The following CCDC85C variants were observed in gnomAD, a reference collection of about 807,000 sequenced individuals.
CCDC85C encodes the protein coiled-coil domain-containing protein 85C.
In CCDC85C, 18 loss-of-function variants were observed where a neutral mutation model predicts 38.3. The ratio of observed to expected loss-of-function variants is 0.47; its 90% confidence interval spans 0.33 to 0.70. CCDC85C has a LOEUF of 0.70. Ranked by LOEUF, CCDC85C falls within the 30% of genes least tolerant of loss-of-function variation. CCDC85C has a pLI of 0.03. For synonymous variants in CCDC85C, 264 were observed against 293.8 expected (o/e 0.90, Z 1.04); for missense variants, 566 against 621.2 (o/e 0.91, Z 0.94).
chr14:99,538,726 T>G (rs1471822063), intron 1 of CCDC85C, among the ~76,000 whole-genome samples: 1 of 152,248 alleles, frequency 6.6e-6, no homozygotes, highest in East Asian at 1.9e-4. Flanking sequence ...GCACCTTCGC[T>G]GGGTGACCCT....
rs2069493 is a variant in CCDC85C at position 99,500,849 on chromosome 14, A to T, written c.*14397T>A. ...TAGAACATCCATACCAGTTCCTACT[A>T]AAATATGCAAAGCAACTCAAAGGTA... On this transcript the variant is annotated 3_prime_UTR_variant, in exon 6 of 6. Coordinates refer to ENST00000380243, the MANE Select transcript of CCDC85C (RefSeq NM_001144995.2). 4,329 of 1,548,782 alleles carry T rather than the reference A, an allele frequency of 2.8e-3. 102 individuals are homozygous for T. The East Asian group carries it at 0.039, about 14-fold the overall frequency.
chr14:99,566,247 G>T (rs1032791060), intron 1 of CCDC85C, among the ~76,000 whole-genome samples: 1 of 152,224 alleles, frequency 6.6e-6, no homozygotes, highest in Non-Finnish European at 1.5e-5. Flanking sequence ...TGTCTTGTTG[G>T]CATTTACCAT....
Position 99,503,529 on chromosome 14 carries a change from T to C in CCDC85C, c.*11717A>G. Reference sequence around the variant, plus strand: ...GTTCACAGTGACTGCCGTCGCTGATTCTGGTGGTACCTGGATAATCCATTT... The same window carrying C: ...GTTCACAGTGACTGCCGTCGCTGATCCTGGTGGTACCTGGATAATCCATTT... On this transcript the variant is annotated 3_prime_UTR_variant, in exon 6 of 6. Coordinates refer to ENST00000380243, the MANE Select transcript of CCDC85C (RefSeq NM_001144995.2). 8.0e-7 allele frequency: 1 copy of C among 1,247,348 alleles called. No homozygotes were observed. The highest frequency in any genetic ancestry group is 1.1e-6 in the Non-Finnish European group (1 of 885,068). The allele number at this position is 1,247,348 out of a possible 1,614,324, so 77.3% of individuals were successfully genotyped here.
Position 99,579,247 on chromosome 14 carries a change from T to G in CCDC85C, c.793+23920A>C, listed in dbSNP as rs145695261. 7.4e-3 allele frequency among the ~76,000 whole-genome samples: 1,120 copies of G among 152,350 alleles called. 17 individuals are homozygous for G. Among genetic ancestry groups the G allele is most frequent in the African/African-American group, 0.026 (1,074 of 41,584 alleles). Reference sequence around the variant, plus strand: ...GGGGCTGAAGTTCTGCCTCCAGCCTTGGTGCCAAACAAGCCAGAGAAGTGG... The same window carrying G: ...GGGGCTGAAGTTCTGCCTCCAGCCTGGGTGCCAAACAAGCCAGAGAAGTGG... On this transcript the variant is annotated intron_variant, in intron 1 of 5. Transcript: ENST00000380243.
chr14:99,603,805 A>G lies in CCDC85C; in HGVS notation c.155T>C (p.Leu52Pro). The G allele has an allele frequency of 6.6e-7, 1 of 1,524,638 alleles. No homozygotes were observed. Among genetic ancestry groups the G allele is most frequent in the Non-Finnish European group, 8.8e-7 (1 of 1,142,064 alleles). 94.4% of individuals were successfully genotyped at this position (1,524,638 alleles called of 1,614,324 possible). Residue 52 changes from leucine (L) to proline (P), a missense_variant, in exon 1 of 6, where the codon CTG becomes CCG. This residue lies in a region of CCDC85C where 269 missense variants were observed against 308.2 expected (regional missense o/e 0.87). Coordinates refer to ENST00000380243, the MANE Select transcript of CCDC85C (RefSeq NM_001144995.2). The surrounding 1 kb of genome is among the most constrained non-coding windows in gnomAD (Gnocchi z 7.5). ...CAGCCGCCGGTTCACGTCGCGCATC[A>G]GGCCGCCGTGCTCCAGCATGAGGCC... ...KVGLMLEHGG[L>P]MRDVNRRLQQ...
rs1897999405 is a variant in CCDC85C at position 99,555,821 on chromosome 14, G to T, written c.794-19733C>A. ...AACCAGTTATTACTTACAGAGATTT[G>T]TATGCTCAGCTTACAATGGGGGACC... On this transcript the variant is annotated intron_variant, in intron 1 of 5. Coordinates refer to ENST00000380243, the MANE Select transcript of CCDC85C (RefSeq NM_001144995.2). Among the ~76,000 whole-genome samples the T allele has an allele frequency of 2.6e-5, 4 of 152,196 alleles. No individual in the cohort carries two copies. The South Asian group carries it at 8.3e-4, about 32-fold the overall frequency.
intron 1 of CCDC85C, among the ~76,000 whole-genome samples, chr14:99,562,211 G>A (rs954858186): frequency 1.4e-4 from 22 of 152,080 alleles, no homozygotes; most frequent in African/African-American, 3.9e-4. Context: ...CTCTGCCCCC[G>A]GGCCTATGCA....
chr14:99,540,413 C>T (rs573283471), intron 1 of CCDC85C, among the ~76,000 whole-genome samples: 3 of 152,228 alleles, frequency 2.0e-5, no homozygotes, highest in South Asian at 2.1e-4. Flanking sequence ...CCGGGAAGGG[C>T]CGGCTCCCCG....
Position 99,569,355 on chromosome 14 carries a change from G to A in CCDC85C, c.794-33267C>T, listed in dbSNP as rs1243046574. Among the ~76,000 whole-genome samples, 1 of 152,188 alleles carries A rather than the reference G, an allele frequency of 6.6e-6. No individual in the cohort carries two copies. Among genetic ancestry groups the A allele is most frequent in the Non-Finnish European group, 1.5e-5 (1 of 68,032 alleles). The stretch of plus-strand genomic sequence containing the variant: ...ACAAACAGGCTGCTGGGCCAGTGGG[G>A]TGTGTGCTCGGCTCCACCAGACAGT... On this transcript the variant is annotated intron_variant, in intron 1 of 5. Transcript: ENST00000380243. The surrounding 1 kb of genome is among the most constrained non-coding windows in gnomAD (Gnocchi z 4.3).
intron 1 of CCDC85C, among the ~76,000 whole-genome samples, chr14:99,551,035 C>T (rs1185270713): frequency 1.3e-5 from 2 of 152,256 alleles, no homozygotes. Flanking sequence ...TGTGGTATCA[C>T]CCATACAGCG....
chr14:99,544,489 G>GGT lies in CCDC85C; in HGVS notation c.794-8403_794-8402dup, dbSNP rs111754976. Among the ~76,000 whole-genome samples, 3,982 of 147,922 alleles carry GGT rather than the reference G, an allele frequency of 0.027. 54 individuals are homozygous for GGT. Among genetic ancestry groups the GGT allele is most frequent in the South Asian group, 0.063 (288 of 4,564 alleles). On this transcript the variant is annotated intron_variant, in intron 1 of 5. Coordinates refer to ENST00000380243, the MANE Select transcript of CCDC85C (RefSeq NM_001144995.2). This position sits in a 1 kb window ranked among gnomAD's most constrained non-coding sequence, Gnocchi z 5.3. ...ATAAAAACAGGGCTAAAATTTGAAG[G>GGT]GTGTGTGTGTGTGTGTGTGTGTGTG...
At chr14:99,560,251 G>C (rs985345783) in intron 1 of CCDC85C, among the ~76,000 whole-genome samples, 2 of 152,200 alleles carry the variant, frequency 1.3e-5, no homozygotes, top group Non-Finnish European at 2.9e-5. Flanking sequence ...CATGCCTGCG[G>C]GCACCAACGC....
At position 99,535,897 on chromosome 14, in the gene CCDC85C, G is replaced by C. The variant is rs1218519517; in HGVS notation, c.867+118C>G. 1.4e-6 allele frequency: 1 copy of C among 729,174 alleles called. No homozygotes were observed. The highest frequency in any genetic ancestry group is 1.7e-5 in the African/African-American group (1 of 57,650). The allele number at this position is 729,174 out of a possible 1,614,324, so 45.2% of individuals were successfully genotyped here. ...CCCACTTTCCAGGAGGTGACAGGTG[G>C]CAGTGGGAGCAGTTGGGGGGACAGC... On this transcript the variant is annotated intron_variant, in intron 2 of 5. Transcript: ENST00000380243. The surrounding 1 kb of genome is among the most constrained non-coding windows in gnomAD (Gnocchi z 5.5).
At chr14:99,540,061 T>C (rs1043625195) in intron 1 of CCDC85C, among the ~76,000 whole-genome samples, 6 of 152,072 alleles carry the variant, frequency 3.9e-5, no homozygotes, top group African/African-American at 1.4e-4. Context: ...AGCAGGAGAA[T>C]TGCTTGAACC....
chr14:99,563,722 C>T (rs913220800), intron 1 of CCDC85C, among the ~76,000 whole-genome samples: 1 of 152,166 alleles, frequency 6.6e-6, no homozygotes. Flanking sequence ...TCCCGTGGGC[C>T]GTGCTGGCCT....
At chr14:99,546,246 C>T (rs1195835748) in intron 1 of CCDC85C, among the ~76,000 whole-genome samples, 1 of 151,926 alleles carries the variant, frequency 6.6e-6, no homozygotes, top group Non-Finnish European at 1.5e-5. Flanking sequence ...GGGATGATGC[C>T]CTGCCCCCAC....
chr14:99,534,356 C>CAAA (rs80313731), intron 2 of CCDC85C, among the ~76,000 whole-genome samples: 1 of 136,792 alleles, frequency 7.3e-6, no homozygotes, highest in Non-Finnish European at 1.6e-5. Context: ...AATTCCATCT[C>CAAA]AAAAAAAAAA....
At chr14:99,577,340 G>C (rs1898501157) in intron 1 of CCDC85C, among the ~76,000 whole-genome samples, 1 of 150,382 alleles carries the variant, frequency 6.6e-6, no homozygotes, top group African/African-American at 2.4e-5. Context: ...GCTCAGAGAG[G>C]GCTGACGGCG....
chr14:99,572,371 G>A lies in CCDC85C; in HGVS notation c.793+30796C>T, dbSNP rs937957423. 6.6e-5 allele frequency among the ~76,000 whole-genome samples: 10 copies of A among 152,284 alleles called. No homozygotes were observed. Among genetic ancestry groups the A allele is most frequent in the East Asian group, 1.9e-4 (1 of 5,184 alleles). ...TGTGGCCTTCCTCACGGGACACTGC[G>A]GGCGCTGCGGGCTAGTGTCTCAGCC... is the stretch of plus-strand genomic sequence containing the variant. On this transcript the variant is annotated intron_variant, in intron 1 of 5. Coordinates refer to ENST00000380243, the MANE Select transcript of CCDC85C (RefSeq NM_001144995.2). The surrounding 1 kb of genome is among the most constrained non-coding windows in gnomAD (Gnocchi z 4.4).
Sources: allele counts gnomAD v4.1 joint callset (sites outside exome capture counted in the v4.1 genomes callset), GRCh38; gene constraint gnomAD v4.1.1; regional missense constraint gnomAD v4.1.1; non-coding constraint Gnocchi (gnomAD v3.1); transcripts MANE v1.5; gene names NCBI Gene and HGNC (gene_info 2026-07-23, HGNC 2026-07-21).